The following RMDN2 variants were observed in gnomAD, a reference collection of about 807,000 sequenced individuals.
RMDN2 encodes regulator of microtubule dynamics 2, also known as regulator of microtubule dynamics protein 2.
In RMDN2, 61 loss-of-function variants were observed where a neutral mutation model predicts 52.8. The observed-to-expected ratio is 1.16, with a 90% confidence interval of 0.94 to 1.43. The LOEUF is 1.43. RMDN2 is among the 40% of genes most tolerant of loss of function. The pLI is 0.00. For synonymous variants in RMDN2, 180 were observed against 153.1 expected (o/e 1.18, Z -1.30); for missense variants, 592 against 475.3 (o/e 1.25, Z -2.28).
intron 10 of RMDN2, among the ~76,000 whole-genome samples, chr2:38,025,565 C>T (rs34593440): frequency 0.044 from 6,624 of 152,112 alleles, 236 homozygotes; most frequent in Non-Finnish European, 0.065. Context: ...GAGGGGAAAG[C>T]ATGCCATTTT....
intron 7 of RMDN2, among the ~76,000 whole-genome samples, chr2:37,994,564 CTG>C (rs1449353786): frequency 3.3e-5 from 5 of 152,098 alleles, no homozygotes; most frequent in Admixed American, 2.0e-4. Context: ...AAAAGAAAGT[CTG>C]TGAGTGGTAA....
chr2:38,015,342 A>T (rs1259438459), intron 10 of RMDN2, among the ~76,000 whole-genome samples: 2 of 152,166 alleles, frequency 1.3e-5, no homozygotes, highest in Admixed American at 6.5e-5. Flanking sequence ...AGAGGCGTGC[A>T]GATCATTAGG....
At chr2:37,926,973 A>G (rs886091338) in intron 1 of RMDN2, among the ~76,000 whole-genome samples, 1 of 152,224 alleles carries the variant, frequency 6.6e-6, no homozygotes, top group African/African-American at 2.4e-5. Context: ...AACCTTTGAA[A>G]TTATTCTGAA....
At chr2:37,930,908 T>A (rs914853233) in intron 2 of RMDN2, among the ~76,000 whole-genome samples, 2 of 152,136 alleles carry the variant, frequency 1.3e-5, no homozygotes, top group African/African-American at 4.8e-5. Context: ...AGGGGCACAG[T>A]GGGCAGGCAG....
At chr2:37,988,306 C>T (rs914397866) in intron 5 of RMDN2, among the ~76,000 whole-genome samples, 2 of 152,116 alleles carry the variant, frequency 1.3e-5, no homozygotes, top group African/African-American at 4.8e-5. Context: ...TATTGTGGAT[C>T]TAGAGAGGTA....
At chr2:37,974,634 A>G (rs1672228492) in intron 3 of RMDN2, 1 of 96,984 alleles carries the variant, frequency 1.0e-5, no homozygotes, top group Non-Finnish European at 1.8e-5. Flanking sequence ...TCTTACCACC[A>G]CCACTAAAAA....
At chr2:37,971,666 A>G (rs1332774983) in intron 2 of RMDN2, among the ~76,000 whole-genome samples, 1 of 152,086 alleles carries the variant, frequency 6.6e-6, no homozygotes, top group Non-Finnish European at 1.5e-5. Context: ...ACATTTTCAT[A>G]TGCATGTGGG....
At chr2:38,022,889 G>T (rs911433596) in intron 10 of RMDN2, among the ~76,000 whole-genome samples, 1 of 152,182 alleles carries the variant, frequency 6.6e-6, no homozygotes, top group African/African-American at 2.4e-5. Context: ...ATGTGTAAGT[G>T]ACAGGGTCGG....
intron 2 of RMDN2, among the ~76,000 whole-genome samples, chr2:37,964,041 C>T (rs1410021521): frequency 6.6e-6 from 1 of 151,444 alleles, no homozygotes; most frequent in African/African-American, 2.4e-5. Context: ...GGGGCTGCCC[C>T]CCACCTCCCT....
downstream of RMDN2, among the ~76,000 whole-genome samples, chr2:38,020,843 C>A (rs536530732): frequency 6.6e-6 from 1 of 152,272 alleles, no homozygotes; most frequent in East Asian, 1.9e-4. Context: ...GAGCGCCACC[C>A]CCTGCTCCAC....
intron 8 of RMDN2, 43 bp downstream of exon 8, chr2:37,997,557 C>T (rs1675734479): frequency 8.4e-7 from 1 of 1,186,802 alleles, no homozygotes; most frequent in South Asian, 1.2e-5. Context: ...GACTGATTAC[C>T]ATCTGCACCA....
At chr2:37,944,578 GA>G (rs1335372600) in intron 2 of RMDN2, among the ~76,000 whole-genome samples, 1 of 152,210 alleles carries the variant, frequency 6.6e-6, no homozygotes, top group African/African-American at 2.4e-5. Context: ...GTAAAATAGG[GA>G]CTGAACTGTG....
chr2:37,997,784 C>T (rs972733865), intron 8 of RMDN2: 18 of 374,750 alleles, frequency 4.8e-5, no homozygotes, highest in Non-Finnish European at 7.9e-5. Context: ...TTAGGTTTGA[C>T]AGCTCTTACT....
chr2:37,940,821 G>A (rs1396019627), intron 2 of RMDN2, among the ~76,000 whole-genome samples: 1 of 152,062 alleles, frequency 6.6e-6, no homozygotes, highest in Non-Finnish European at 1.5e-5. Context: ...TAGTTTCCTT[G>A]CATTGGGTTA....
At chr2:38,040,564 T>G (rs765606680) in intron 10 of RMDN2, among the ~76,000 whole-genome samples, 2 of 152,352 alleles carry the variant, frequency 1.3e-5, no homozygotes, top group Non-Finnish European at 2.9e-5. Flanking sequence ...CCTCCAGAAC[T>G]GTAAACATAA....
chr2:37,929,455 G>C lies in RMDN2; in HGVS notation c.178G>C (p.Asp60His), dbSNP rs1251583711. Residue 60 changes from aspartate to histidine, a missense_variant, in exon 2 of 11, where the codon GAT becomes CAT. Asp to His is a moderately conservative substitution (Grantham distance 81). Transcript: ENST00000354545. ...AATAACTTTGCAAGATGAAATACAT[G>C]ATGACCAAGGAACAACAGTAATCTT... ...NSITLQDEIHDDQGTTVIFQE... is the reference protein window; with the variant it reads ...NSITLQDEIHHDQGTTVIFQE... 5 of 1,551,664 alleles carry C rather than the reference G, an allele frequency of 3.2e-6. No individual in the cohort carries two copies. Among genetic ancestry groups the C allele is most frequent in the Admixed American group, 3.9e-5 (2 of 51,006 alleles).
chr2:37,922,486 A>C (rs1666058350), upstream of RMDN2, among the ~76,000 whole-genome samples: 2 of 152,094 alleles, frequency 1.3e-5, no homozygotes. Flanking sequence ...ACATTTCCTC[A>C]TGCTTTTCCC....
chr2:38,017,300 G>A lies in RMDN2; in HGVS notation c.*61G>A, dbSNP rs574171709. On this transcript the variant is annotated 3_prime_UTR_variant, in exon 11 of 11. Transcript: ENST00000354545. ...TCTACCAAAATTTAAATGAATCAAA[G>A]TTGTGCTTTTATTATCCTTCATTTT... 2.0e-6 allele frequency: 3 copies of A among 1,470,254 alleles called. No individual in the cohort carries two copies. The highest frequency in any genetic ancestry group is 2.5e-5 in the Admixed American group (1 of 39,230). The allele number at this position is 1,470,254 out of a possible 1,614,324, so 91.1% of individuals were successfully genotyped here.
At chr2:37,952,253 A>T in intron 2 of RMDN2, 1 of 1,558,690 alleles carries the variant, frequency 6.4e-7, no homozygotes, top group South Asian at 1.1e-5. Flanking sequence ...TAGTTTTCCC[A>T]CCAGTCACTT....
Sources: gnomAD v4.1 joint callset for allele counts (sites outside exome capture counted in the v4.1 genomes callset) on GRCh38, gnomAD v4.1.1 for gene constraint, MANE v1.5 for transcripts, NCBI Gene and HGNC (gene_info 2026-07-23, HGNC 2026-07-21) for gene names.